CIB4: variants seen among roughly 807,000 people sequenced by gnomAD.
CIB4 encodes calcium and integrin-binding family member 4.
Under a neutral mutation model 25.8 loss-of-function variants are expected in CIB4, and 25 were observed. That is an observed-to-expected ratio of 0.97 (90% CI 0.71 to 1.35). The LOEUF (loss-of-function observed/expected upper bound fraction) is 1.35, where lower values mean the gene tolerates loss of function less well. CIB4 is among the 40% of genes most tolerant of loss of function. The pLI is 0.00. For missense variants in CIB4, 235 were observed against 228.2 expected (o/e 1.03, Z -0.19); for synonymous variants, 75 against 81.4 (o/e 0.92, Z 0.42).
intron 3 of CIB4, among the ~76,000 whole-genome samples, chr2:26,613,356 C>T (rs910914717): frequency 1.3e-5 from 2 of 152,128 alleles, no homozygotes; most frequent in Admixed American, 6.5e-5. Flanking sequence ...TATGTCTTCC[C>T]AAGTCTTTCT....
intron 3 of CIB4, among the ~76,000 whole-genome samples, chr2:26,622,731 C>T (rs142153801): frequency 1.0e-3 from 157 of 152,150 alleles, no homozygotes; most frequent in Admixed American, 2.2e-3. Flanking sequence ...ACCTGTAATC[C>T]CAGCATTTTG....
chr2:26,616,160 G>T (rs987788181), intron 3 of CIB4, among the ~76,000 whole-genome samples: 1 of 152,228 alleles, frequency 6.6e-6, no homozygotes, highest in Non-Finnish European at 1.5e-5. Context: ...TGAGGAGTAA[G>T]TGAGATGATG....
chr2:26,586,726 CT>C (rs1354305764), intron 4 of CIB4, among the ~76,000 whole-genome samples: 3 of 152,216 alleles, frequency 2.0e-5, no homozygotes. Flanking sequence ...TTAACTACCC[CT>C]AACTGCCTTT....
At chr2:26,615,931 G>A (rs902310043) in intron 3 of CIB4, among the ~76,000 whole-genome samples, 4 of 152,242 alleles carry the variant, frequency 2.6e-5, no homozygotes, top group East Asian at 1.9e-4. Flanking sequence ...AAAATGCAGG[G>A]TGTGAGCCAG....
intron 6 of CIB4, among the ~76,000 whole-genome samples, chr2:26,582,461 T>A (rs1203631244): frequency 6.6e-6 from 1 of 151,988 alleles, no homozygotes; most frequent in Non-Finnish European, 1.5e-5. Context: ...CATCTTCAGA[T>A]CCCCCCTGTA....
At chr2:26,597,811 A>C (rs1201379602) in intron 3 of CIB4, among the ~76,000 whole-genome samples, 1 of 151,996 alleles carries the variant, frequency 6.6e-6, no homozygotes, top group East Asian at 1.9e-4. Flanking sequence ...GGATGTGGAA[A>C]TGAGGCCTGG....
Position 26,601,231 on chromosome 2 carries a change from AATATATATATATATAT to A in CIB4, c.187-5930_187-5915del, listed in dbSNP as rs1165155834. 7.8e-3 allele frequency among the ~76,000 whole-genome samples: 134 copies of A among 17,224 alleles called. 6 individuals carry two copies. Among genetic ancestry groups the A allele is most frequent in the African/African-American group, 0.018 (120 of 6,700 alleles). The allele number at this position is 17,224 out of a possible 152,430, so 11.3% of individuals were successfully genotyped here. The stretch of plus-strand genomic sequence containing the variant: ...TGAGACCATGTCAAAAAAAAAAAAA[AATATATATATATATAT>A]ATATATATATATATATATATATGCA... On this transcript the variant is annotated intron_variant, in intron 3 of 6. Transcript: ENST00000288861.
At chr2:26,630,577 C>T (rs1669398097) in intron 2 of CIB4, among the ~76,000 whole-genome samples, 1 of 152,122 alleles carries the variant, frequency 6.6e-6, no homozygotes. Context: ...GGGGTCACCA[C>T]AGGCTGGTTG....
chr2:26,623,744 T>G (rs993863535), intron 3 of CIB4: 7 of 321,030 alleles, frequency 2.2e-5, no homozygotes, highest in Non-Finnish European at 3.3e-5. Flanking sequence ...GCCAGGGGGG[T>G]GAGGTGGCCC....
At position 26,629,412 on chromosome 2, in the gene CIB4, G is replaced by A. The variant is rs775488040; in HGVS notation, c.184C>T (p.Arg62Trp). The A allele has an allele frequency of 1.8e-5, 28 of 1,551,474 alleles. No individual in the cohort carries two copies. The highest frequency in any genetic ancestry group is 2.4e-5 in the East Asian group (1 of 41,898). ...MDQVSSLPAL[R>W]VNPFRDRICR... ...CCCACCCACCATCCTGGACTCACCC[G>A]CAGAGCTGGCAGGGAGCTGACCTGG... is the stretch of plus-strand genomic sequence containing the variant. Residue 62 changes from arginine to tryptophan, a missense_variant and splice_region_variant, in exon 3 of 7, where the codon CGG becomes TGG. Arg to Trp is a moderately radical substitution (Grantham distance 101). Coordinates refer to ENST00000288861, the MANE Select transcript of CIB4 (RefSeq NM_001029881.3).
intron 3 of CIB4, chr2:26,623,698 T>G: frequency 2.8e-6 from 1 of 356,430 alleles, no homozygotes; most frequent in South Asian, 2.3e-5. Context: ...GAAGACCATC[T>G]GCCAGCAGGA....
chr2:26,600,519 G>A (rs1668762104), intron 3 of CIB4, among the ~76,000 whole-genome samples: 1 of 152,216 alleles, frequency 6.6e-6, no homozygotes, highest in Non-Finnish European at 1.5e-5. Context: ...AGATGAAGGT[G>A]TCTGTTAGAG....
chr2:26,601,229 AAAATATATATATATAT>A (rs1243219570), intron 3 of CIB4, among the ~76,000 whole-genome samples: 5 of 25,378 alleles, frequency 2.0e-4, no homozygotes, highest in South Asian at 1.0e-3. Context: ...AAAAAAAAAA[AAAATATATATATATAT>A]ATATATATAT....
chr2:26,629,550 C>A (rs573771942), intron 2 of CIB4, 44 bp from the exon 3 acceptor site: 14 of 1,354,464 alleles, frequency 1.0e-5, no homozygotes, highest in Non-Finnish European at 1.3e-5. Flanking sequence ...GGAAAGGAGG[C>A]CAGCACTGTG....
intron 1 of CIB4, 52 bp from the exon 2 acceptor site, chr2:26,640,619 G>A: frequency 6.4e-7 from 1 of 1,573,988 alleles, no homozygotes; most frequent in Admixed American, 1.8e-5. Context: ...TCCCTGCTGT[G>A]GCCCCTGGGG....
At chr2:26,625,749 T>C (rs1403770856) in intron 3 of CIB4, among the ~76,000 whole-genome samples, 2 of 152,270 alleles carry the variant, frequency 1.3e-5, no homozygotes, top group Middle Eastern at 3.2e-3. Context: ...TTAGATCCCA[T>C]TTGTCAATTT....
chr2:26,596,153 T>A (rs922939646), intron 3 of CIB4, among the ~76,000 whole-genome samples: 2 of 152,240 alleles, frequency 1.3e-5, no homozygotes, highest in African/African-American at 4.8e-5. Context: ...AGATTCTGTA[T>A]GTGAAAAACC....
At position 26,587,095 on chromosome 2, in the gene CIB4, A is replaced by G. The variant is rs183364896; in HGVS notation, c.329-3197T>C. Among the ~76,000 whole-genome samples, 692 of 152,264 alleles carry G rather than the reference A, an allele frequency of 4.5e-3. 3 individuals carry two copies. The highest frequency in any genetic ancestry group is 8.3e-3 in the Non-Finnish European group (562 of 68,014). ...GCCAAGGCAGGTGGATCACTAGGTC[A>G]GGAGATTGAGACCATCCTGGCTAAC... On this transcript the variant is annotated intron_variant, in intron 4 of 6. Transcript: ENST00000288861.
chr2:26,640,091 G>C (rs557370904), intron 2 of CIB4, among the ~76,000 whole-genome samples: 1 of 141,284 alleles, frequency 7.1e-6, no homozygotes, highest in African/African-American at 2.5e-5. Context: ...CACAGGCACC[G>C]GAGAAAGGGC....
Sources: gnomAD v4.1 joint callset for allele counts (sites outside exome capture counted in the v4.1 genomes callset) on GRCh38, gnomAD v4.1.1 for gene constraint, MANE v1.5 for transcripts, NCBI Gene and HGNC (gene_info 2026-07-23, HGNC 2026-07-21) for gene names.